Variants in UBE2D2 observed in about 807,000 individuals in gnomAD.
The protein encoded by UBE2D2 is ubiquitin conjugating enzyme E2 D2.
Under a neutral mutation model 24.2 loss-of-function variants are expected in UBE2D2, and 2 were observed. The ratio of observed to expected loss-of-function variants is 0.08; its 90% CI spans 0.03 to 0.26. The LOEUF is 0.26. Ranked by LOEUF, UBE2D2 falls within the 10% of genes least tolerant of loss-of-function variation. The pLI is 1.00. For synonymous variants in UBE2D2, 58 were observed against 56.5 expected (o/e 1.03, Z -0.12); for missense variants, 44 against 177.6 (o/e 0.25, Z 4.28).
At chr5:139,527,903 T>C (rs978567858) in intron 1 of UBE2D2, among the ~76,000 whole-genome samples, 9 of 152,242 alleles carry the variant, frequency 5.9e-5, no homozygotes, top group African/African-American at 2.2e-4. Flanking sequence ...CTTGTGCACA[T>C]GGCAGGCCAG....
intron 1 of UBE2D2, among the ~76,000 whole-genome samples, chr5:139,571,048 G>A (rs1331952045): frequency 1.3e-5 from 2 of 152,198 alleles, no homozygotes; most frequent in East Asian, 1.9e-4. Context: ...GATGAACAGA[G>A]TACCTGTTCT....
At chr5:139,625,376 A>G (rs1182725591) in intron 6 of UBE2D2, among the ~76,000 whole-genome samples, 1 of 140,010 alleles carries the variant, frequency 7.1e-6, no homozygotes, top group Non-Finnish European at 1.5e-5. Flanking sequence ...CAGCCCCCCA[A>G]AGTGCTGCTG....
chr5:139,577,034 G>A (rs1400715351), intron 1 of UBE2D2, among the ~76,000 whole-genome samples: 4 of 143,334 alleles, frequency 2.8e-5, no homozygotes, highest in Admixed American at 1.5e-4. Flanking sequence ...CAGTCTTGTA[G>A]CATAGTAAAA....
chr5:139,619,730 G>T (rs1754479940), intron 5 of UBE2D2, among the ~76,000 whole-genome samples: 2 of 152,126 alleles, frequency 1.3e-5, no homozygotes, highest in African/African-American at 2.4e-5. Flanking sequence ...TGGCTTGGTG[G>T]TGCATGCCTG....
At chr5:139,619,637 G>T (rs1055850180) in intron 5 of UBE2D2, among the ~76,000 whole-genome samples, 2 of 152,080 alleles carry the variant, frequency 1.3e-5, no homozygotes, top group African/African-American at 4.8e-5. Context: ...GCCGAGATGC[G>T]CAGATCACTG....
chr5:139,544,439 CCACAATGCTCAGCT>C (rs1311354688), intron 1 of UBE2D2, among the ~76,000 whole-genome samples: 1 of 151,516 alleles, frequency 6.6e-6, no homozygotes, highest in Non-Finnish European at 1.5e-5. Context: ...CAGGCGTCCA[CCACAATGCTCAGCT>C]AATTTTTTTG....
chr5:139,540,889 G>A (rs975589498), intron 1 of UBE2D2, among the ~76,000 whole-genome samples: 1 of 151,908 alleles, frequency 6.6e-6, no homozygotes, highest in Admixed American at 6.6e-5. Flanking sequence ...AGCTACTCGG[G>A]AGGCTGAGGC....
At chr5:139,527,046 C>G (rs1373379368) in intron 1 of UBE2D2, among the ~76,000 whole-genome samples, 1 of 152,008 alleles carries the variant, frequency 6.6e-6, no homozygotes, top group African/African-American at 2.4e-5. Flanking sequence ...AAGCCCACCC[C>G]ACTGGGAACT....
chr5:139,561,895 G>T, intron 1 of UBE2D2, 80 bp downstream of exon 1: 1 of 1,429,794 alleles, frequency 7.0e-7, no homozygotes, highest in Non-Finnish European at 9.1e-7. Flanking sequence ...TCTCCGTCGG[G>T]CTCGCGGCCT....
chr5:139,571,406 CAAAA>C (rs549829203), intron 1 of UBE2D2, among the ~76,000 whole-genome samples: 1 of 88,176 alleles, frequency 1.1e-5, no homozygotes. Flanking sequence ...GACTCCCTCT[CAAAA>C]AAAAAAAAAA....
At chr5:139,593,864 C>T (rs1487411885) in intron 1 of UBE2D2, among the ~76,000 whole-genome samples, 1 of 152,190 alleles carries the variant, frequency 6.6e-6, no homozygotes, top group Non-Finnish European at 1.5e-5. Context: ...CATCCTCCCA[C>T]CTTAGCCTCC....
chr5:139,619,248 T>C (rs1754469094), intron 5 of UBE2D2, among the ~76,000 whole-genome samples: 1 of 151,880 alleles, frequency 6.6e-6, no homozygotes, highest in Non-Finnish European at 1.5e-5. Flanking sequence ...ATACAAAAAT[T>C]AGCAGGGCAG....
rs561129243 is a variant in UBE2D2, at chr5:139,570,272, A to AAAC, written c.24+8475_24+8477dup. Among the ~76,000 whole-genome samples, 157 of 152,092 alleles carry AAAC rather than the reference A, an allele frequency of 1.0e-3. 1 individual carries two copies. Among genetic ancestry groups the AAAC allele is most frequent in the African/African-American group, 3.1e-3 (130 of 41,510 alleles). ...GGCAGCAGAGCCAGATTCTGTGTCA[A>AAAC]AACAACAACAACAACAACAAAACAA... On this transcript the variant is annotated intron_variant, in intron 1 of 6. Coordinates refer to ENST00000398733, the MANE Select transcript of UBE2D2 (RefSeq NM_003339.3).
chr5:139,579,691 C>T (rs1753553633), intron 1 of UBE2D2, among the ~76,000 whole-genome samples: 1 of 152,060 alleles, frequency 6.6e-6, no homozygotes, highest in African/African-American at 2.4e-5. Context: ...TTTCATGGAC[C>T]AGGCACTGTG....
At chr5:139,603,298 G>A (rs548469637) in intron 2 of UBE2D2, among the ~76,000 whole-genome samples, 1 of 152,086 alleles carries the variant, frequency 6.6e-6, no homozygotes, top group South Asian at 2.1e-4. Flanking sequence ...GCCATAGTTA[G>A]CACTATACAT....
intron 1 of UBE2D2, among the ~76,000 whole-genome samples, chr5:139,535,973 A>G (rs1752677287): frequency 6.6e-6 from 1 of 151,804 alleles, no homozygotes; most frequent in Non-Finnish European, 1.5e-5. Context: ...GCTCACTGCA[A>G]CCTCTGCCTG....
chr5:139,606,098 G>A (rs1054661600), intron 2 of UBE2D2, among the ~76,000 whole-genome samples: 3 of 152,076 alleles, frequency 2.0e-5, no homozygotes, highest in African/African-American at 7.2e-5. Context: ...GTGCATTCAA[G>A]TGTAGGTCTC....
rs887397299 is a variant in UBE2D2 at position 139,614,069 on chromosome 5, A to G, written c.89-517A>G. ...AGAGTGAGACTCTGTCTCAAAAAAA[A>G]AAAAAAAAAAAAGTGTATTATATGT... On this transcript the variant is annotated intron_variant, in intron 2 of 6. Transcript: ENST00000398733. Among the ~76,000 whole-genome samples the G allele has an allele frequency of 1.3e-4, 19 of 151,058 alleles. 1 individual carries two copies. Among genetic ancestry groups the G allele is most frequent in the African/African-American group, 4.4e-4 (18 of 40,468 alleles).
intron 1 of UBE2D2, chr5:139,554,786 C>T (rs1752959343): frequency 6.6e-6 from 1 of 152,082 alleles, no homozygotes; most frequent in Non-Finnish European, 1.5e-5. Context: ...TACATCCCCA[C>T]TTGCAATGTA....
Sources: allele counts gnomAD v4.1 joint callset (sites outside exome capture counted in the v4.1 genomes callset), GRCh38; gene constraint gnomAD v4.1.1; transcripts MANE v1.5; gene names NCBI Gene and HGNC (gene_info 2026-07-23, HGNC 2026-07-21).